GRHL1: variants seen among roughly 807,000 people sequenced by gnomAD.
GRHL1 encodes grainyhead like transcription factor 1.
GRHL1 carries 38 observed loss-of-function variants against 75.7 expected under a neutral mutation model. The ratio of observed to expected loss-of-function variants is 0.50; its 90% CI spans 0.39 to 0.66. GRHL1 has a LOEUF of 0.66. GRHL1 is among the 30% of genes least tolerant of loss of function. The pLI is 0.00. For missense variants in GRHL1, 589 were observed against 767.5 expected (o/e 0.77, Z 2.75); for synonymous variants, 266 against 279.4 (o/e 0.95, Z 0.48).
rs1377460488 is a variant in GRHL1 at position 9,990,382 on chromosome 2, C to G, written c.1270-314C>G. On this transcript the variant is annotated intron_variant, in intron 9 of 15. Coordinates refer to ENST00000324907, the MANE Select transcript of GRHL1 (RefSeq NM_198182.3). The surrounding 1 kb of genome is among the most constrained non-coding windows in gnomAD (Gnocchi z 4.2). The stretch of plus-strand genomic sequence containing the variant: ...GCCAGGCTGGTCTCGAACTCCTGAC[C>G]TCAAATGATCCACCCACCTCGGCCT... 6.6e-6 allele frequency among the ~76,000 whole-genome samples: 1 copy of G among 152,098 alleles called. No homozygotes were observed. Among genetic ancestry groups the G allele is most frequent in the Non-Finnish European group, 1.5e-5 (1 of 68,024 alleles).
Position 9,992,039 on chromosome 2 carries a change from C to A in GRHL1, c.1354C>A (p.His452Asn). 1 of 1,609,274 alleles carries A rather than the reference C, an allele frequency of 6.2e-7. No individual in the cohort carries two copies. The highest frequency in any genetic ancestry group is 8.5e-7 in the Non-Finnish European group (1 of 1,177,198). Reference protein sequence around the residue: ...SDVKVPLLPSHKRMDITVFKP... With the variant: ...SDVKVPLLPSNKRMDITVFKP... ...TGTTAAAGTGCCACTGCTTCCCTCT[C>A]ACAAGCGAATGGATATCACAGTTTT... is the stretch of plus-strand genomic sequence containing the variant. Residue 452 changes from histidine to asparagine, a missense_variant, in exon 11 of 16, where the codon CAC becomes AAC. By Grantham distance (68) the His-to-Asn change is moderately conservative. Transcript: ENST00000324907. This position sits in a 1 kb window ranked among gnomAD's most constrained non-coding sequence, Gnocchi z 4.6.
Position 9,996,258 on chromosome 2 carries a change from A to G in GRHL1, c.1592-58A>G, listed in dbSNP as rs112918511. 231 of 1,241,690 alleles carry G rather than the reference A, an allele frequency of 1.9e-4. No homozygotes were observed. In the African/African-American group the frequency reaches 2.3e-3, roughly 13 times the overall value. The allele number at this position is 1,241,690 out of a possible 1,614,324, so 76.9% of individuals were successfully genotyped here. A position where few individuals can be genotyped will look rare whatever the true frequency, so the allele number is the denominator to read the frequency against. On this transcript the variant is annotated intron_variant, in intron 13 of 15. Transcript: ENST00000324907. ...CTGTTTTCCTCTTTTGCTCATGTGAACTGTATCCTTTTTTTCCTCTCTTTT... is the reference window on the plus strand; with the variant it reads ...CTGTTTTCCTCTTTTGCTCATGTGAGCTGTATCCTTTTTTTCCTCTCTTTT...
chr2:9,989,490 G>A (rs182040255), intron 9 of GRHL1, among the ~76,000 whole-genome samples: 38 of 152,174 alleles, frequency 2.5e-4, no homozygotes, highest in African/African-American at 8.4e-4. Context: ...TGGTACTATC[G>A]GTCTTTGAGC....
chr2:9,990,314 C>G lies in GRHL1; in HGVS notation c.1270-382C>G, dbSNP rs185236128. On this transcript the variant is annotated intron_variant, in intron 9 of 15. Coordinates refer to ENST00000324907, the MANE Select transcript of GRHL1 (RefSeq NM_198182.3). The surrounding 1 kb of genome is among the most constrained non-coding windows in gnomAD (Gnocchi z 4.2). The stretch of plus-strand genomic sequence containing the variant: ...TACAGGTGCCCGCTACCACGCCTGG[C>G]TAATTTTTGTATTTTTAGTAGAGGT... Among the ~76,000 whole-genome samples the G allele has an allele frequency of 6.6e-6, 1 of 152,042 alleles. No homozygotes were observed. Among genetic ancestry groups the G allele is most frequent in the East Asian group, 1.9e-4 (1 of 5,160 alleles).
chr2:9,996,917 A>G lies in GRHL1; in HGVS notation c.1677+516A>G, dbSNP rs530515977. 2.0e-5 allele frequency among the ~76,000 whole-genome samples: 3 copies of G among 152,270 alleles called. No individual in the cohort carries two copies. In the East Asian group the frequency reaches 5.8e-4, roughly 29 times the overall value. On this transcript the variant is annotated intron_variant, in intron 14 of 15. Transcript: ENST00000324907. ...CACGAGGCTGGAATAAACTGACCCC[A>G]TGCTCCCTGTGGGGATATCAGTAAG...
At chr2:9,973,929 T>C (rs1021155590) in intron 8 of GRHL1, among the ~76,000 whole-genome samples, 2 of 152,212 alleles carry the variant, frequency 1.3e-5, no homozygotes, top group Non-Finnish European at 2.9e-5. Flanking sequence ...AAACAGGAAG[T>C]TTGGAACAGC....
intron 12 of GRHL1, among the ~76,000 whole-genome samples, chr2:9,993,562 A>G (rs1294604746): frequency 6.6e-6 from 1 of 152,236 alleles, no homozygotes; most frequent in African/African-American, 2.4e-5. Context: ...TTCAGTCTAG[A>G]ACTAAGCCAC....
At chr2:9,998,655 T>C (rs796819836) in intron 14 of GRHL1, among the ~76,000 whole-genome samples, 2 of 42,836 alleles carry the variant, frequency 4.7e-5, no homozygotes, top group East Asian at 5.0e-4. Flanking sequence ...CATATACATA[T>C]ACATATATAT....
chr2:9,964,498 C>T, intron 7 of GRHL1, 152 bp downstream of exon 7: 1 of 583,538 alleles, frequency 1.7e-6, no homozygotes, highest in Non-Finnish European at 3.1e-6. Context: ...CCTCGGCCTC[C>T]TGGAACCAGT....
intron 8 of GRHL1, among the ~76,000 whole-genome samples, chr2:9,967,764 C>A (rs895697198): frequency 2.0e-5 from 3 of 151,620 alleles, no homozygotes; most frequent in African/African-American, 7.3e-5. Flanking sequence ...CAAGAGTGAA[C>A]AAGTGTACAT....
At chr2:9,980,799 G>A (rs1214778136) in intron 8 of GRHL1, among the ~76,000 whole-genome samples, 1 of 152,220 alleles carries the variant, frequency 6.6e-6, no homozygotes, top group Non-Finnish European at 1.5e-5. Flanking sequence ...TTCTGAAATG[G>A]GGCTTTTTAA....
Position 10,000,785 on chromosome 2 carries a change from CCA to C in GRHL1, c.*79_*80del, listed in dbSNP as rs1251493846. The C allele has an allele frequency of 1.3e-6, 1 of 773,978 alleles. No individual in the cohort carries two copies. The highest frequency in any genetic ancestry group is 2.5e-5 in the East Asian group (1 of 40,190). The allele number at this position is 773,978 out of a possible 1,614,324, so 47.9% of individuals were successfully genotyped here. ...TACGGTTTGGCAACTGCAGGTAACC[CCA>C]GTCAGCCATGTCGCCAGCACAGGTC... On this transcript the variant is annotated 3_prime_UTR_variant, in exon 16 of 16. Coordinates refer to ENST00000324907, the MANE Select transcript of GRHL1 (RefSeq NM_198182.3).
chr2:9,989,997 A>C (rs1668574745), intron 9 of GRHL1, among the ~76,000 whole-genome samples: 1 of 152,124 alleles, frequency 6.6e-6, no homozygotes, highest in South Asian at 2.1e-4. Flanking sequence ...ATAGGAGAGT[A>C]TACTCAAGAG....
chr2:9,973,708 T>G (rs1345946209), intron 8 of GRHL1, among the ~76,000 whole-genome samples: 2 of 152,266 alleles, frequency 1.3e-5, no homozygotes, highest in African/African-American at 4.8e-5. Flanking sequence ...AGAATTAAAT[T>G]AGAAATTTCC....
chr2:9,968,169 T>C lies in GRHL1; in HGVS notation c.1110+2788T>C, dbSNP rs1321583517. On this transcript the variant is annotated intron_variant, in intron 8 of 15. Coordinates refer to ENST00000324907, the MANE Select transcript of GRHL1 (RefSeq NM_198182.3). The surrounding 1 kb of genome is among the most constrained non-coding windows in gnomAD (Gnocchi z 4.7). Reference sequence around the variant, plus strand: ...TGGGTTGAATTGTGAATGCTTTGGCTTACATTCCACTTTGGGAAAAACACT... The same window carrying C: ...TGGGTTGAATTGTGAATGCTTTGGCCTACATTCCACTTTGGGAAAAACACT... Among the ~76,000 whole-genome samples the C allele has an allele frequency of 6.6e-6, 1 of 152,222 alleles. No homozygotes were observed. The highest frequency in any genetic ancestry group is 2.4e-5 in the African/African-American group (1 of 41,448).
intron 2 of GRHL1, among the ~76,000 whole-genome samples, chr2:9,955,494 C>T (rs1330773262): frequency 6.6e-6 from 1 of 152,194 alleles, no homozygotes; most frequent in Admixed American, 6.5e-5. Context: ...CTAAATGATA[C>T]TACAGAGCCT....
At chr2:9,983,776 C>CTTTT (rs71391180) in intron 8 of GRHL1, among the ~76,000 whole-genome samples, 1 of 144,046 alleles carries the variant, frequency 6.9e-6, no homozygotes, top group African/African-American at 2.5e-5. Flanking sequence ...TTTGCATGGA[C>CTTTT]TTTTTTTTTT....
chr2:9,960,054 A>G (rs1004982537), intron 3 of GRHL1: 3 of 152,194 alleles, frequency 2.0e-5, no homozygotes, highest in Non-Finnish European at 4.4e-5. Context: ...ATCATCTTGT[A>G]TTGCTCAAAT....
Position 9,996,358 on chromosome 2 carries a change from C to T in GRHL1, c.1634C>T (p.Ala545Val). The T allele has an allele frequency of 6.2e-7, 1 of 1,612,818 alleles. No individual in the cohort carries two copies. Among genetic ancestry groups the T allele is most frequent in the Admixed American group, 1.7e-5 (1 of 60,028 alleles). The change falls in exon 14 of 16, where the codon GCC (alanine) becomes GTC (valine). Residue 545 changes from alanine (A) to valine (V), a missense_variant. Coordinates refer to ENST00000324907, the MANE Select transcript of GRHL1 (RefSeq NM_198182.3). ...AAGGAGTCAGAAGAAGTCTTTGATG[C>T]CCTGATGCTCAAAACCCCATCTTTG... ...VRKESEEVFD[A>V]LMLKTPSLKG...
Sources: gnomAD v4.1 joint callset for allele counts (sites outside exome capture counted in the v4.1 genomes callset) on GRCh38, gnomAD v4.1.1 for gene constraint, Gnocchi (gnomAD v3.1) non-coding constraint, MANE v1.5 for transcripts, NCBI Gene and HGNC (gene_info 2026-07-23, HGNC 2026-07-21) for gene names.